The following HOXC4 variants were observed in gnomAD, a reference collection of about 807,000 sequenced individuals.
HOXC4 encodes the protein homeobox C4.
A neutral mutation model predicts 25.5 loss-of-function variants in HOXC4; 15 were observed. The observed-to-expected ratio is 0.59, with a 90% CI of 0.39 to 0.91. The LOEUF (loss-of-function observed/expected upper bound fraction) is 0.91. HOXC4 is among the 40% of genes least tolerant of loss of function. The pLI, the probability that HOXC4 is intolerant of heterozygous loss-of-function variation, is 0.00. For missense variants in HOXC4, 342 were observed against 352.4 expected, an observed-to-expected ratio of 0.97 and a Z score of 0.24; for synonymous variants, 165 against 148.0, an observed-to-expected ratio of 1.11 and a Z score of -0.83.
At chr12:54,018,461 T>C (rs974932482) in intron 1 of HOXC4, among the ~76,000 whole-genome samples, 3 of 152,256 alleles carry the variant, frequency 2.0e-5, no homozygotes, top group Middle Eastern at 3.4e-3. Context: ...TGCTGGCTTA[T>C]GGGGTAGAGG....
At chr12:54,039,904 G>A (rs1286545962) in intron 1 of HOXC4, among the ~76,000 whole-genome samples, 2 of 151,672 alleles carry the variant, frequency 1.3e-5, no homozygotes, top group East Asian at 3.9e-4. Flanking sequence ...ACGGGCATTC[G>A]AGGGTGTTTA....
Position 54,035,757 on chromosome 12 carries a change from G to A in HOXC4, c.-123-17403G>A, listed in dbSNP as rs140545027. On this transcript the variant is annotated intron_variant, in intron 1 of 3. Coordinates refer to the HOXC4 transcript ENST00000303406. Reference sequence around the variant, plus strand: ...CTGAAGATCTTTCCTGGGCCTAGGTGGTCCCTGAGAGGCCTTGCTGGACAT... The same window carrying A: ...CTGAAGATCTTTCCTGGGCCTAGGTAGTCCCTGAGAGGCCTTGCTGGACAT... 2.8e-3 allele frequency among the ~76,000 whole-genome samples: 420 copies of A among 152,266 alleles called. 2 individuals carry two copies. Among genetic ancestry groups the A allele is most frequent in the African/African-American group, 9.2e-3 (384 of 41,562 alleles).
Position 54,054,089 on chromosome 12 carries a change from C to T in HOXC4, c.167C>T (p.Pro56Leu). ...QHHHQELYPP[P>L]PPRPSYPERQ... ...CACCACCAGGAGCTGTACCCACCAC[C>T]GCCTCCGCGCCCTAGCTACCCTGAG... is the stretch of plus-strand genomic sequence containing the variant. Residue 56 changes from proline (P) to leucine (L), a missense_variant, in exon 1 of 2, where the codon CCG (proline) becomes CTG (leucine). Physicochemically the swap from Pro to Leu is moderately conservative, Grantham distance 98. Coordinates refer to ENST00000430889, the MANE Select transcript of HOXC4 (RefSeq NM_153633.3). 1 of 1,614,240 alleles carries T rather than the reference C, an allele frequency of 6.2e-7. No homozygotes were observed. Among genetic ancestry groups the T allele is most frequent in the East Asian group, 2.2e-5 (1 of 44,892 alleles).
intron 1 of HOXC4, chr12:54,033,725 CTGTG>C: frequency 1.5e-6 from 1 of 669,424 alleles, no homozygotes; most frequent in South Asian, 2.0e-5. Flanking sequence ...GGCTTAGAGG[CTGTG>C]TGCGCCCAAA....
Position 54,055,645 on chromosome 12 carries a change from T to G in HOXC4, c.*440T>G, listed in dbSNP as rs1937962871. 6.6e-6 allele frequency: 1 copy of G among 150,790 alleles called. No homozygotes were observed. The highest frequency in any genetic ancestry group is 2.5e-5 in the African/African-American group (1 of 40,524). The allele number at this position is 150,790 out of a possible 1,614,324, so 9.3% of individuals were successfully genotyped here. On this transcript the variant is annotated 3_prime_UTR_variant, in exon 2 of 2. Transcript: ENST00000430889. ...CTTCTCCTCCTCCTCCTTCCCCCCC[T>G]CTTTCCTTAGGCCTTTTGCATTGAA...
intron 1 of HOXC4, among the ~76,000 whole-genome samples, chr12:54,022,797 C>A (rs1940508961): frequency 6.6e-6 from 1 of 152,090 alleles, no homozygotes; most frequent in Admixed American, 6.5e-5. Flanking sequence ...ACTGTGATGT[C>A]ATAATACCGA....
At chr12:54,052,500 C>T (rs1379501212), upstream of HOXC4, among the ~76,000 whole-genome samples, 1 of 152,090 alleles carries the variant, frequency 6.6e-6, no homozygotes, top group Non-Finnish European at 1.5e-5. Flanking sequence ...CCCTCCGCTA[C>T]CCCCCGCAAC....
intron 1 of HOXC4, among the ~76,000 whole-genome samples, chr12:54,018,826 C>CA (rs1940289197): frequency 6.6e-6 from 1 of 152,138 alleles, no homozygotes; most frequent in Non-Finnish European, 1.5e-5. Context: ...TAATCTAAGC[C>CA]AAGACACCCC....
chr12:54,052,579 G>C (rs866868116), upstream of HOXC4, among the ~76,000 whole-genome samples: 3 of 146,970 alleles, frequency 2.0e-5, no homozygotes, highest in East Asian at 1.9e-4. Context: ...TGGGGGGGGG[G>C]GGTGGTGGTT....
chr12:54,036,886 C>T (rs1407806778), intron 1 of HOXC4, among the ~76,000 whole-genome samples: 1 of 152,144 alleles, frequency 6.6e-6, no homozygotes, highest in Admixed American at 6.5e-5. Flanking sequence ...TGTGCTTCCT[C>T]CCCAGGGGAC....
chr12:54,030,979 G>A (rs568773164), intron 1 of HOXC4, among the ~76,000 whole-genome samples: 3 of 152,342 alleles, frequency 2.0e-5, no homozygotes, highest in East Asian at 1.9e-4. Flanking sequence ...CCTTCTGTTC[G>A]TTCTCGCGAT....
At chr12:54,044,076 T>C (rs956523901) in intron 1 of HOXC4, among the ~76,000 whole-genome samples, 30 of 152,016 alleles carry the variant, frequency 2.0e-4, no homozygotes, top group African/African-American at 7.2e-4. Flanking sequence ...GCTTTTCCTG[T>C]TGGGAGTAAA....
intron 1 of HOXC4, among the ~76,000 whole-genome samples, chr12:54,018,947 G>C (rs935412843): frequency 5.9e-5 from 9 of 152,174 alleles, no homozygotes; most frequent in Admixed American, 3.9e-4. Context: ...TCGCCTGTGG[G>C]GGGGCGGGGA....
At chr12:54,049,758 ACACACACAC>A, upstream of HOXC4, among the ~76,000 whole-genome samples, 1 of 112,612 alleles carries the variant, frequency 8.9e-6, no homozygotes, top group African/African-American at 3.6e-5. Flanking sequence ...ACACACACAC[ACACACACAC>A]ACACACACAC....
chr12:54,034,904 C>G, intron 1 of HOXC4: 1 of 227,508 alleles, frequency 4.4e-6, no homozygotes. Context: ...ACCTCGCCCT[C>G]TCCTTTGTTC....
chr12:54,034,463 T>A (rs1565746624), intron 1 of HOXC4: 1 of 1,614,128 alleles, frequency 6.2e-7, no homozygotes. Flanking sequence ...GAAGAAAGAT[T>A]CCAAAATGAA....
chr12:54,054,114 G>A lies in HOXC4; in HGVS notation c.192G>A (p.Glu64=), dbSNP rs773802673. 3.4e-5 allele frequency: 55 copies of A among 1,613,942 alleles called. No homozygotes were observed. Among genetic ancestry groups the A allele is most frequent in the Non-Finnish European group, 4.2e-5 (49 of 1,180,006 alleles). The change falls in exon 1 of 2, where the codon GAG becomes GAA. Residue 64 remains glutamate (E), a synonymous_variant. Transcript: ENST00000430889. The part of the protein sequence containing the change: ...PPPPPRPSYP[E]RQYSCTSLQG... Reference sequence around the variant, plus strand: ...CGCCTCCGCGCCCTAGCTACCCTGAGCGCCAGTATAGCTGCACCAGTCTCC... The same window carrying A: ...CGCCTCCGCGCCCTAGCTACCCTGAACGCCAGTATAGCTGCACCAGTCTCC...
At chr12:54,052,736 T>G (rs1373788881), upstream of HOXC4, among the ~76,000 whole-genome samples, 1 of 152,108 alleles carries the variant, frequency 6.6e-6, no homozygotes, top group Non-Finnish European at 1.5e-5. Context: ...CTCCCCAACT[T>G]GGTGAGCTTA....
Position 54,026,973 on chromosome 12 carries a change from G to C in HOXC4, c.-124+9559G>C, listed in dbSNP as rs929142089. Among the ~76,000 whole-genome samples, 8 of 140,810 alleles carry C rather than the reference G, an allele frequency of 5.7e-5. No homozygotes were observed. The East Asian group carries it at 9.1e-4, about 16-fold the overall frequency. The allele number at this position is 140,810 out of a possible 152,430, so 92.4% of individuals were successfully genotyped here. ...ACCCACCCAAAAATGGTGGGGGGGG[G>C]GGGATATGAGCTTTCTCTGCTCCCC... On this transcript the variant is annotated intron_variant, in intron 1 of 3. Coordinates refer to the HOXC4 transcript ENST00000303406.
Sources: gnomAD v4.1 joint callset for allele counts (sites outside exome capture counted in the v4.1 genomes callset) on GRCh38, gnomAD v4.1.1 for gene constraint, MANE v1.5 for transcripts, NCBI Gene and HGNC (gene_info 2026-07-23, HGNC 2026-07-21) for gene names.